NSUN6: variants seen among roughly 807,000 people sequenced by gnomAD.
The protein encoded by NSUN6 is tRNA (cytosine(72)-C(5))-methyltransferase NSUN6.
A neutral mutation model predicts 58.0 loss-of-function variants in NSUN6; 64 were observed. That is an observed-to-expected ratio of 1.10 (90% CI 0.90 to 1.36). NSUN6 has a LOEUF of 1.36. Among genes scored for constraint, NSUN6 ranks in the 40% most tolerant of loss-of-function variants. NSUN6 has a pLI of 0.00. For missense variants in NSUN6, 701 were observed against 550.1 expected (o/e 1.27, Z -2.74); for synonymous variants, 231 against 193.9 (o/e 1.19, Z -1.59).
chr10:18,647,080 G>A lies in NSUN6; in HGVS notation c.231+1410C>T, dbSNP rs2059567087. Among the ~76,000 whole-genome samples the A allele has an allele frequency of 1.3e-5, 2 of 152,114 alleles. 1 individual carries two copies. Among genetic ancestry groups the A allele is most frequent in the South Asian group, 4.1e-4 (2 of 4,820 alleles). ...ACTAAGGTTTGGTCTCATACACTGAGATGCCATAGCTGGTTCTTCTAATAA... is the reference window on the plus strand; with the variant it reads ...ACTAAGGTTTGGTCTCATACACTGAAATGCCATAGCTGGTTCTTCTAATAA... On this transcript the variant is annotated intron_variant, in intron 2 of 10. Coordinates refer to ENST00000377304, the MANE Select transcript of NSUN6 (RefSeq NM_182543.5).
chr10:18,587,698 C>G (rs1191357275), intron 7 of NSUN6, among the ~76,000 whole-genome samples: 1 of 152,024 alleles, frequency 6.6e-6, no homozygotes, highest in East Asian at 1.9e-4. Flanking sequence ...TGGGGGGCCT[C>G]CCTCCCCCAG....
intron 8 of NSUN6, 118 bp downstream of exon 8, chr10:18,585,831 T>C: frequency 1.4e-6 from 1 of 730,856 alleles, no homozygotes. Context: ...GATATGTTAA[T>C]TAGCTTGTTT....
chr10:18,582,946 T>C (rs1332766799), intron 8 of NSUN6, among the ~76,000 whole-genome samples: 2 of 152,136 alleles, frequency 1.3e-5, no homozygotes, highest in Admixed American at 6.5e-5. Flanking sequence ...TGTTACGATG[T>C]ATTTGTCAGG....
chr10:18,656,625 G>C (rs751866102), upstream of NSUN6, among the ~76,000 whole-genome samples: 31 of 152,156 alleles, frequency 2.0e-4, no homozygotes, highest in Non-Finnish European at 4.0e-4. Flanking sequence ...AGTATTATCT[G>C]AAGTTAGTTT....
chr10:18,555,480 G>GA (rs2133448849), intron 8 of NSUN6, among the ~76,000 whole-genome samples: 1 of 151,228 alleles, frequency 6.6e-6, no homozygotes, highest in African/African-American at 2.4e-5. Context: ...ATGCAGTGGT[G>GA]AATAGAATGG....
intron 5 of NSUN6, among the ~76,000 whole-genome samples, chr10:18,611,664 C>G (rs6482565): frequency 0.79 from 120,599 of 151,938 alleles, 47,998 homozygotes; most frequent in East Asian, 0.98. Flanking sequence ...CCAGTAGCTG[C>G]GACTACAGGC....
At chr10:18,645,157 C>CAAAAAA (rs71402191) in intron 2 of NSUN6, among the ~76,000 whole-genome samples, 10 of 106,262 alleles carry the variant, frequency 9.4e-5, no homozygotes, top group African/African-American at 1.4e-4. Context: ...GACTCCCTCT[C>CAAAAAA]AAAAAAAAAA....
intron 6 of NSUN6, among the ~76,000 whole-genome samples, chr10:18,597,113 C>G (rs1590003562): frequency 6.6e-6 from 1 of 152,190 alleles, no homozygotes; most frequent in Non-Finnish European, 1.5e-5. Context: ...TGACTGGGAC[C>G]TAAATATATA....
intron 3 of NSUN6, among the ~76,000 whole-genome samples, chr10:18,628,160 G>A (rs1412602871): frequency 2.6e-5 from 4 of 152,096 alleles, no homozygotes; most frequent in Non-Finnish European, 5.9e-5. Context: ...CACCTCACAC[G>A]GTCAGGTACT....
chr10:18,557,735 G>A (rs1015796731), intron 8 of NSUN6, among the ~76,000 whole-genome samples: 7 of 150,510 alleles, frequency 4.7e-5, no homozygotes, highest in Admixed American at 2.0e-4. Context: ...ATGGAATGGA[G>A]AATGAACTGG....
At chr10:18,637,594 A>T (rs979980538) in intron 3 of NSUN6, among the ~76,000 whole-genome samples, 1 of 152,254 alleles carries the variant, frequency 6.6e-6, no homozygotes, top group Non-Finnish European at 1.5e-5. Flanking sequence ...CAACTAAAAT[A>T]AGCACAGACC....
rs1257807880 is a variant in NSUN6, at chr10:18,612,458, G to A, written c.575+2002C>T. Among the ~76,000 whole-genome samples, 4 of 152,156 alleles carry A rather than the reference G, an allele frequency of 2.6e-5. No homozygotes were observed. In the East Asian group the frequency reaches 5.8e-4, roughly 22 times the overall value. On this transcript the variant is annotated intron_variant, in intron 5 of 10. Coordinates refer to ENST00000377304, the MANE Select transcript of NSUN6 (RefSeq NM_182543.5). ...AGTCAGTCCTTTGTTGTGACACCTG[G>A]TACTCTTACCTTGATCAATACCCAG...
chr10:18,549,756 T>C (rs1356762446), intron 9 of NSUN6, among the ~76,000 whole-genome samples: 4 of 152,232 alleles, frequency 2.6e-5, no homozygotes, highest in Non-Finnish European at 5.9e-5. Flanking sequence ...TTTAAAAATT[T>C]AAAGGAAATC....
intron 3 of NSUN6, among the ~76,000 whole-genome samples, chr10:18,617,667 T>G (rs2058461224): frequency 1.3e-5 from 2 of 152,192 alleles, no homozygotes; most frequent in African/African-American, 4.8e-5. Flanking sequence ...CGTCATTATC[T>G]GCCCAGATAA....
intron 8 of NSUN6, among the ~76,000 whole-genome samples, chr10:18,564,748 C>G (rs1350442640): frequency 1.5e-5 from 2 of 137,608 alleles, no homozygotes; most frequent in South Asian, 2.4e-4. Context: ...AGTCTCCATT[C>G]CATTCCATAC....
At chr10:18,646,274 A>G (rs1442223625) in intron 2 of NSUN6, among the ~76,000 whole-genome samples, 1 of 152,194 alleles carries the variant, frequency 6.6e-6, no homozygotes, top group Non-Finnish European at 1.5e-5. Context: ...CATCCTATTC[A>G]GGACATCTCT....
intron 3 of NSUN6, among the ~76,000 whole-genome samples, chr10:18,619,929 G>A (rs942847942): frequency 6.6e-5 from 10 of 151,726 alleles, no homozygotes; most frequent in Non-Finnish European, 1.5e-4. Context: ...TACTATGTGC[G>A]ATGCAATATA....
upstream of NSUN6, chr10:18,658,586 G>A: frequency 1.3e-6 from 1 of 764,408 alleles, no homozygotes; most frequent in South Asian, 5.9e-5. Flanking sequence ...CATACCTAAT[G>A]CTTGGCAAAA....
intron 3 of NSUN6, among the ~76,000 whole-genome samples, chr10:18,621,505 C>T (rs2058605171): frequency 6.6e-6 from 1 of 152,080 alleles, no homozygotes; most frequent in Admixed American, 6.6e-5. Flanking sequence ...TTTAAGTCAG[C>T]ATTGTTGAAA....
Sources: allele counts gnomAD v4.1 joint callset (sites outside exome capture counted in the v4.1 genomes callset), GRCh38; gene constraint gnomAD v4.1.1; transcripts MANE v1.5; gene names NCBI Gene and HGNC (gene_info 2026-07-23, HGNC 2026-07-21).